Variants in LIN52 observed in about 807,000 individuals in gnomAD.
LIN52 encodes lin-52 DREAM MuvB core complex component, also known as protein lin-52 homolog.
In LIN52, 4 loss-of-function variants were observed where a neutral mutation model predicts 18.5. The ratio of observed to expected loss-of-function variants is 0.22; its 90% CI spans 0.11 to 0.49. LIN52 has a LOEUF of 0.49. LIN52 is among the 20% of genes least tolerant of loss of function. The probability of loss-of-function intolerance (pLI) is 0.97; values close to 1 mark genes in which losing one functional copy is unlikely to be tolerated. For missense variants in LIN52, 102 were observed against 139.5 expected (o/e 0.73, Z 1.35); for synonymous variants, 34 against 45.5 (o/e 0.75, Z 1.02).
At chr14:74,178,739 T>A (rs2061303944) in intron 5 of LIN52, among the ~76,000 whole-genome samples, 1 of 151,598 alleles carries the variant, frequency 6.6e-6, no homozygotes, top group Admixed American at 6.6e-5. Flanking sequence ...GGATTACAGG[T>A]GTGAGCCACC....
At chr14:74,175,358 A>G (rs966615157) in intron 5 of LIN52, among the ~76,000 whole-genome samples, 2 of 151,862 alleles carry the variant, frequency 1.3e-5, no homozygotes, top group African/African-American at 4.8e-5. Context: ...TTATAATCTC[A>G]GCACTTTGGG....
intron 5 of LIN52, among the ~76,000 whole-genome samples, chr14:74,188,174 A>G (rs569281698): frequency 6.6e-6 from 1 of 152,302 alleles, no homozygotes; most frequent in African/African-American, 2.4e-5. Flanking sequence ...GTTAAAACCC[A>G]GATTGTAATT....
chr14:74,095,906 A>G (rs760389580), intron 2 of LIN52, 42 bp from the exon 3 acceptor site: 10 of 1,345,920 alleles, frequency 7.4e-6, no homozygotes, highest in South Asian at 1.2e-5. Context: ...TGCCTGAGCA[A>G]TCATACTTAT....
intron 4 of LIN52, among the ~76,000 whole-genome samples, 160 bp from the exon 5 acceptor site, chr14:74,100,995 G>A (rs912127845): frequency 1.3e-5 from 2 of 152,302 alleles, no homozygotes; most frequent in South Asian, 2.1e-4. Flanking sequence ...TCCCTGATTT[G>A]TGTGTGTTTA....
intron 5 of LIN52, among the ~76,000 whole-genome samples, chr14:74,112,550 A>T (rs1025663381): frequency 6.6e-6 from 1 of 151,816 alleles, no homozygotes; most frequent in Non-Finnish European, 1.5e-5. Context: ...GTATCCTTGG[A>T]CTCTGTTGGT....
intron 5 of LIN52, among the ~76,000 whole-genome samples, chr14:74,127,978 A>C (rs570653350): frequency 6.6e-6 from 1 of 152,324 alleles, no homozygotes; most frequent in African/African-American, 2.4e-5. Flanking sequence ...AGTGGCATGC[A>C]AAGAACATTG....
At chr14:74,113,924 C>A (rs963051818) in intron 5 of LIN52, 3 of 153,150 alleles carry the variant, frequency 2.0e-5, no homozygotes, top group Non-Finnish European at 4.3e-5. Flanking sequence ...ATACTTGCAT[C>A]CATTCATGTA....
chr14:74,121,028 A>C (rs1472516630), intron 5 of LIN52, among the ~76,000 whole-genome samples: 1 of 152,234 alleles, frequency 6.6e-6, no homozygotes, highest in Non-Finnish European at 1.5e-5. Context: ...CCTAGGTAAC[A>C]CAGGGAGACT....
intron 5 of LIN52, among the ~76,000 whole-genome samples, chr14:74,130,276 TGG>T (rs1566856473): frequency 5.3e-4 from 48 of 90,452 alleles, no homozygotes; most frequent in Middle Eastern, 0.011. Flanking sequence ...AGGCATTTTT[TGG>T]TTTTTTTTTT....
chr14:74,144,617 A>AAATTAGAG (rs11281584), intron 5 of LIN52, among the ~76,000 whole-genome samples: 141,664 of 152,036 alleles, frequency 0.93, 66,186 homozygotes, highest in African/African-American at 0.98. Context: ...CTTCTGTGGT[A>AAATTAGAG]AGTCAGCTTG....
At chr14:74,121,671 C>T (rs1298780735) in intron 5 of LIN52, among the ~76,000 whole-genome samples, 1 of 151,646 alleles carries the variant, frequency 6.6e-6, no homozygotes, top group Non-Finnish European at 1.5e-5. Context: ...AAAACTTACA[C>T]ATCAAATCAA....
chr14:74,135,535 C>T (rs1345573394), intron 5 of LIN52, among the ~76,000 whole-genome samples: 2 of 145,796 alleles, frequency 1.4e-5, no homozygotes, highest in East Asian at 4.0e-4. Context: ...TTGACTGCAA[C>T]TGACCATAGC....
intron 5 of LIN52, among the ~76,000 whole-genome samples, chr14:74,133,972 A>T (rs886145677): frequency 6.6e-6 from 1 of 152,200 alleles, no homozygotes; most frequent in African/African-American, 2.4e-5. Flanking sequence ...TTAAGAAATG[A>T]TTACAGCCTG....
intron 5 of LIN52, among the ~76,000 whole-genome samples, chr14:74,124,354 A>G (rs905127235): frequency 3.3e-5 from 5 of 152,230 alleles, no homozygotes; most frequent in African/African-American, 1.2e-4. Context: ...GTGAATATGA[A>G]TAAATACTGT....
intron 5 of LIN52, among the ~76,000 whole-genome samples, chr14:74,189,267 C>T (rs1385574490): frequency 6.6e-6 from 1 of 152,150 alleles, no homozygotes; most frequent in Non-Finnish European, 1.5e-5. Flanking sequence ...ATAAGTGTTT[C>T]ACCAGGATGT....
At chr14:74,163,534 C>T (rs557835442) in intron 5 of LIN52, among the ~76,000 whole-genome samples, 2 of 152,200 alleles carry the variant, frequency 1.3e-5, no homozygotes, top group Non-Finnish European at 2.9e-5. Context: ...AAGCTAAAGA[C>T]ATCTGAAGTG....
intron 5 of LIN52, among the ~76,000 whole-genome samples, chr14:74,134,911 G>C (rs1305868503): frequency 6.6e-6 from 1 of 152,120 alleles, no homozygotes; most frequent in African/African-American, 2.4e-5. Flanking sequence ...TAGTAATTTT[G>C]AAAGAAACTG....
chr14:74,092,019 G>T (rs2060775296), intron 2 of LIN52, among the ~76,000 whole-genome samples: 1 of 151,922 alleles, frequency 6.6e-6, no homozygotes. Flanking sequence ...TGTCGCCCAG[G>T]GTGGAGTGCA....
At chr14:74,145,797 T>G (rs1037898573) in intron 5 of LIN52, among the ~76,000 whole-genome samples, 1 of 152,218 alleles carries the variant, frequency 6.6e-6, no homozygotes, top group African/African-American at 2.4e-5. Flanking sequence ...TTCTCGGCCC[T>G]TCTAAGAGAC....
Sources: gnomAD v4.1 joint callset for allele counts (sites outside exome capture counted in the v4.1 genomes callset) on GRCh38, gnomAD v4.1.1 for gene constraint, MANE v1.5 for transcripts, NCBI Gene and HGNC (gene_info 2026-07-23, HGNC 2026-07-21) for gene names.